Variants in SLC37A1 observed in about 807,000 individuals in gnomAD.
The protein encoded by SLC37A1 is glucose-6-phosphate exchanger SLC37A1.
SLC37A1 carries 49 observed loss-of-function variants against 75.3 expected under a neutral mutation model. The ratio of observed to expected loss-of-function variants is 0.65; its 90% confidence interval spans 0.52 to 0.83. The LOEUF (loss-of-function observed/expected upper bound fraction) is 0.83. Among genes scored for constraint, SLC37A1 ranks in the 40% least tolerant of loss-of-function variants. The probability of loss-of-function intolerance (pLI) is 0.00; values close to 1 mark genes in which losing one functional copy is unlikely to be tolerated. For missense variants in SLC37A1, 566 were observed against 695.0 expected, an observed-to-expected ratio of 0.81 and a Z score of 2.09; for synonymous variants, 268 against 292.1, an observed-to-expected ratio of 0.92 and a Z score of 0.84.
chr21:42,519,983 T>TGTGC (rs1555879914), intron 2 of SLC37A1, among the ~76,000 whole-genome samples: 80 of 152,060 alleles, frequency 5.3e-4, no homozygotes, highest in African/African-American at 1.7e-3. Context: ...TGTGTGTGTG[T>TGTGC]GCATGTGTGT....
chr21:42,549,599 G>C (rs1259404797), intron 9 of SLC37A1, among the ~76,000 whole-genome samples: 1 of 152,192 alleles, frequency 6.6e-6, no homozygotes, highest in Non-Finnish European at 1.5e-5. Flanking sequence ...TCTTTTTCCT[G>C]CAGGAATGTT....
intron 6 of SLC37A1, among the ~76,000 whole-genome samples, 193 bp from the exon 7 acceptor site, chr21:42,542,211 A>G (rs2055300379): frequency 6.6e-6 from 1 of 152,230 alleles, no homozygotes; most frequent in Non-Finnish European, 1.5e-5. Flanking sequence ...TTTGAAAAAT[A>G]TATAGATACC....
In SLC37A1 at chr21:42,548,931, T is replaced by C. The variant is rs2055490578; in HGVS notation, c.768+1791T>C. ...CTCGGGCTCCTGGGTGTGATTCATA[T>C]GGAAAGAAGGGTTCTGATACTTGAT... is the stretch of plus-strand genomic sequence containing the variant. On this transcript the variant is annotated intron_variant, in intron 9 of 19. Coordinates refer to ENST00000352133, the MANE Select transcript of SLC37A1 (RefSeq NM_001320537.2). The surrounding 1 kb of genome is among the most constrained non-coding windows in gnomAD (Gnocchi z 5.6). 6.6e-6 allele frequency among the ~76,000 whole-genome samples: 1 copy of C among 152,118 alleles called. No individual in the cohort carries two copies. The highest frequency in any genetic ancestry group is 1.5e-5 in the Non-Finnish European group (1 of 68,032).
chr21:42,534,839 A>G lies in SLC37A1; in HGVS notation c.271+9A>G. On this transcript the variant is annotated intron_variant, in intron 4 of 19. Transcript: ENST00000352133. ...TGGCTGGGCACCGTTTGGTAAGTCG[A>G]TTATCGGTCCGTCCAGGAGCCGAAG... 1 of 1,613,014 alleles carries G rather than the reference A, an allele frequency of 6.2e-7. No homozygotes were observed. The highest frequency in any genetic ancestry group is 8.5e-7 in the Non-Finnish European group (1 of 1,179,458).
chr21:42,557,656 G>C (rs1395809997), intron 10 of SLC37A1, among the ~76,000 whole-genome samples: 1 of 152,228 alleles, frequency 6.6e-6, no homozygotes, highest in African/African-American at 2.4e-5. Context: ...CACCCACTGG[G>C]TGCCCACACT....
intron 7 of SLC37A1, 54 bp downstream of exon 7, chr21:42,542,534 T>G (rs2055309781): frequency 6.4e-7 from 1 of 1,569,842 alleles, no homozygotes; most frequent in South Asian, 1.1e-5. Context: ...ACCATTTTAC[T>G]TTTAGTTTTT....
rs2054479463 is a variant in SLC37A1 at position 42,514,250 on chromosome 21, C to A, written c.-646C>A. The A allele has an allele frequency of 6.6e-6, 1 of 151,940 alleles. No homozygotes were observed. Among genetic ancestry groups the A allele is most frequent in the Non-Finnish European group, 1.5e-5 (1 of 68,000 alleles). 9.4% of individuals were successfully genotyped at this position (151,940 alleles called of 1,614,324 possible). A position where few individuals can be genotyped will look rare whatever the true frequency, so the allele number is the denominator to read the frequency against. ...CGGGCGTTCCCGGACCGGGGCAACG[C>A]TGGGATTCCGGGGAAGTGGAGGCAG... On this transcript the variant is annotated 5_prime_UTR_variant, in exon 1 of 20. The change creates a new upstream start codon in the 5' untranslated region. Transcript: ENST00000352133. This position sits in a 1 kb window ranked among gnomAD's most constrained non-coding sequence, Gnocchi z 4.8.
At chr21:42,526,193 G>C (rs1222040424) in intron 3 of SLC37A1, among the ~76,000 whole-genome samples, 1 of 151,918 alleles carries the variant, frequency 6.6e-6, no homozygotes, top group Non-Finnish European at 1.5e-5. Flanking sequence ...CCAGCTCTTC[G>C]TGCGATCCAA....
chr21:42,518,600 A>G (rs62215907), intron 2 of SLC37A1, 90 bp downstream of exon 2: 114,455 of 1,406,510 alleles, frequency 0.081, 5,027 homozygotes, highest in Non-Finnish European at 0.091. Context: ...GTTTCATTAT[A>G]AAACACATAA....
intron 10 of SLC37A1, among the ~76,000 whole-genome samples, chr21:42,556,891 G>A (rs1054302043): frequency 2.0e-5 from 3 of 152,050 alleles, no homozygotes; most frequent in African/African-American, 7.2e-5. Context: ...ATGAGTGGCT[G>A]TGAGCACAGG....
At chr21:42,534,921 G>C in intron 4 of SLC37A1, 91 bp downstream of exon 4, 3 of 1,468,394 alleles carry the variant, frequency 2.0e-6, no homozygotes, top group Non-Finnish European at 2.7e-6. Flanking sequence ...GCTGTTCCCA[G>C]ATGTAACTGC....
chr21:42,532,399 A>G (rs901512152), intron 3 of SLC37A1, among the ~76,000 whole-genome samples: 2 of 152,176 alleles, frequency 1.3e-5, no homozygotes, highest in African/African-American at 2.4e-5. Context: ...TTCTCCCTGC[A>G]CATGATTCTC....
intron 16 of SLC37A1, 28 bp downstream of exon 16, chr21:42,567,086 C>A: frequency 6.2e-7 from 1 of 1,605,214 alleles, no homozygotes; most frequent in East Asian, 2.2e-5. Context: ...AGACACCAGC[C>A]CTGTGGGCAC....
intron 18 of SLC37A1, among the ~76,000 whole-genome samples, chr21:42,578,263 G>A (rs367582225): frequency 1.2e-4 from 18 of 152,160 alleles, no homozygotes; most frequent in Non-Finnish European, 2.2e-4. Context: ...AGTGCGTGTC[G>A]CCTGGGCTCC....
In SLC37A1 at chr21:42,578,907, C is replaced by G. The variant is rs544648683; in HGVS notation, c.1522-829C>G. On this transcript the variant is annotated intron_variant, in intron 18 of 19. Coordinates refer to ENST00000352133, the MANE Select transcript of SLC37A1 (RefSeq NM_001320537.2). ...GTAGCCCCTCGAGACCCTCCAGCAC[C>G]CCTTCCCTGCCTCCCCTGGACCAGT... is the stretch of plus-strand genomic sequence containing the variant. Among the ~76,000 whole-genome samples, 126 of 152,320 alleles carry G rather than the reference C, an allele frequency of 8.3e-4. 1 individual carries two copies. The highest frequency in any genetic ancestry group is 1.2e-3 in the Admixed American group (18 of 15,308).
intron 12 of SLC37A1, among the ~76,000 whole-genome samples, chr21:42,562,568 G>T (rs1431529577): frequency 6.6e-6 from 1 of 152,204 alleles, no homozygotes; most frequent in Non-Finnish European, 1.5e-5. Context: ...GCTTCTGGGA[G>T]ATAGCGTCTC....
chr21:42,542,985 C>T (rs938605610), intron 7 of SLC37A1, among the ~76,000 whole-genome samples: 1 of 152,246 alleles, frequency 6.6e-6, no homozygotes, highest in Non-Finnish European at 1.5e-5. Flanking sequence ...GGTGGACGAT[C>T]GCAAACAAGA....
chr21:42,506,997 C>T (rs773682472), intron 2 of SLC37A1, among the ~76,000 whole-genome samples: 6 of 152,186 alleles, frequency 3.9e-5, no homozygotes. Context: ...ATTCTCCTGT[C>T]TCAGCCTCCC....
chr21:42,545,295 A>C lies in SLC37A1; in HGVS notation c.730+1693A>C, dbSNP rs1025406826. On this transcript the variant is annotated intron_variant, in intron 8 of 19. Coordinates refer to ENST00000352133, the MANE Select transcript of SLC37A1 (RefSeq NM_001320537.2). This position sits in a 1 kb window ranked among gnomAD's most constrained non-coding sequence, Gnocchi z 4.0. ...CTTTCCCCTTGTGCCTGGGAGGTGCACTGTGTCTGAATGATGAGACCCAGC... is the reference window on the plus strand; with the variant it reads ...CTTTCCCCTTGTGCCTGGGAGGTGCCCTGTGTCTGAATGATGAGACCCAGC... 1.3e-5 allele frequency among the ~76,000 whole-genome samples: 2 copies of C among 152,076 alleles called. No individual in the cohort carries two copies. The highest frequency in any genetic ancestry group is 2.9e-5 in the Non-Finnish European group (2 of 68,002).
Sources: allele counts gnomAD v4.1 joint callset (sites outside exome capture counted in the v4.1 genomes callset), GRCh38; gene constraint gnomAD v4.1.1; non-coding constraint Gnocchi (gnomAD v3.1); transcripts MANE v1.5; gene names NCBI Gene and HGNC (gene_info 2026-07-23, HGNC 2026-07-21).